Variants in VRK2 observed in about 807,000 individuals in gnomAD.
VRK2 encodes the protein serine/threonine-protein kinase VRK2.
Under a neutral mutation model 57.6 loss-of-function variants are expected in VRK2, and 60 were observed. The observed-to-expected ratio is 1.04, with a 90% CI of 0.85 to 1.29. The LOEUF is 1.29. Ranked by LOEUF, VRK2 falls within the 50% of genes most tolerant of loss-of-function variation. The pLI, the probability that VRK2 is intolerant of heterozygous loss-of-function variation, is 0.00. For missense variants in VRK2, 705 were observed against 588.1 expected, an observed-to-expected ratio of 1.20 and a Z score of -2.06; for synonymous variants, 231 against 199.2, an observed-to-expected ratio of 1.16 and a Z score of -1.35.
chr2:57,947,521 T>C (rs1227009329), intron 1 of VRK2, among the ~76,000 whole-genome samples: 1 of 152,198 alleles, frequency 6.6e-6, no homozygotes, highest in Admixed American at 6.5e-5. Flanking sequence ...CCACTGGCAG[T>C]GGAAAATGCT....
At chr2:58,155,048 C>A (rs1467600178) in intron 12 of VRK2, among the ~76,000 whole-genome samples, 1 of 151,984 alleles carries the variant, frequency 6.6e-6, no homozygotes, top group Non-Finnish European at 1.5e-5. Flanking sequence ...TAGGATATGA[C>A]GGTCTGCCTG....
intron 1 of VRK2, among the ~76,000 whole-genome samples, chr2:57,999,620 C>T (rs2103620591): frequency 6.6e-6 from 1 of 152,110 alleles, no homozygotes; most frequent in Admixed American, 6.5e-5. Context: ...GTTACTGAAG[C>T]CTGTATGTTA....
intron 1 of VRK2, among the ~76,000 whole-genome samples, chr2:58,011,435 T>C (rs543876055): frequency 1.3e-5 from 2 of 152,344 alleles, no homozygotes; most frequent in East Asian, 1.9e-4. Flanking sequence ...AAAGCTTCTA[T>C]CCAAGGCTGT....
At chr2:57,949,622 A>G (rs1671365042) in intron 1 of VRK2, among the ~76,000 whole-genome samples, 1 of 152,174 alleles carries the variant, frequency 6.6e-6, no homozygotes, top group South Asian at 2.1e-4. Flanking sequence ...CTTGAGACAC[A>G]ATAATATTGA....
At chr2:58,083,920 G>A (rs192345672) in intron 2 of VRK2, among the ~76,000 whole-genome samples, 169 bp from the exon 3 acceptor site, 23 of 151,928 alleles carry the variant, frequency 1.5e-4, no homozygotes, top group African/African-American at 5.3e-4. Context: ...AACTTCAGTA[G>A]CATCTTGTAT....
chr2:57,930,541 T>C (rs957286638), intron 1 of VRK2, among the ~76,000 whole-genome samples: 7 of 152,228 alleles, frequency 4.6e-5, no homozygotes, highest in African/African-American at 1.4e-4. Context: ...GATTGCTTGC[T>C]TGGTTTTTAG....
intron 1 of VRK2, among the ~76,000 whole-genome samples, chr2:57,977,649 G>T (rs1672292830): frequency 6.6e-6 from 1 of 151,194 alleles, no homozygotes; most frequent in Non-Finnish European, 1.5e-5. Context: ...CATATAGACT[G>T]ATATCATCTG....
At chr2:57,976,936 A>G (rs1008672167) in intron 1 of VRK2, among the ~76,000 whole-genome samples, 9 of 152,128 alleles carry the variant, frequency 5.9e-5, no homozygotes, top group Non-Finnish European at 7.4e-5. Flanking sequence ...TCTTCTGTAC[A>G]TGGCTAGCCA....
intron 1 of VRK2, among the ~76,000 whole-genome samples, chr2:57,984,775 T>C (rs1046745741): frequency 6.6e-6 from 1 of 152,068 alleles, no homozygotes; most frequent in Non-Finnish European, 1.5e-5. Context: ...ATAAATTATA[T>C]ATTTTTGGTT....
intron 11 of VRK2, among the ~76,000 whole-genome samples, chr2:58,143,157 A>G (rs1042900282): frequency 6.6e-6 from 1 of 151,974 alleles, no homozygotes; most frequent in East Asian, 1.9e-4. Flanking sequence ...TATTTTCTGT[A>G]TATGAGGATA....
At chr2:58,095,596 A>T in intron 7 of VRK2, among the ~76,000 whole-genome samples, 1 of 152,068 alleles carries the variant, frequency 6.6e-6, no homozygotes, top group Middle Eastern at 3.4e-3. Flanking sequence ...AAGAATTTTT[A>T]TTTCCATGCA....
At chr2:57,992,586 G>A (rs1216698724) in intron 1 of VRK2, among the ~76,000 whole-genome samples, 1 of 152,144 alleles carries the variant, frequency 6.6e-6, no homozygotes, top group African/African-American at 2.4e-5. Context: ...CCGGACTGCG[G>A]ACTGCAGTGG....
At chr2:57,999,628 T>C (rs1673029162) in intron 1 of VRK2, among the ~76,000 whole-genome samples, 1 of 152,168 alleles carries the variant, frequency 6.6e-6, no homozygotes, top group Admixed American at 6.5e-5. Context: ...AGCCTGTATG[T>C]TATTTTAAAT....
At chr2:58,156,155 T>A (rs947867596) in intron 12 of VRK2, among the ~76,000 whole-genome samples, 11 of 152,310 alleles carry the variant, frequency 7.2e-5, no homozygotes, top group African/African-American at 2.6e-4. Context: ...TCACTTTGAT[T>A]TTGAAAGCTT....
intron 1 of VRK2, among the ~76,000 whole-genome samples, chr2:57,951,927 T>C (rs1671439689): frequency 6.8e-6 from 1 of 147,390 alleles, no homozygotes; most frequent in Non-Finnish European, 1.5e-5. Flanking sequence ...TTCCTTCCTT[T>C]TTTTTTTTTT....
intron 1 of VRK2, among the ~76,000 whole-genome samples, chr2:58,014,108 C>A (rs1263802390): frequency 6.6e-6 from 1 of 152,060 alleles, no homozygotes; most frequent in Non-Finnish European, 1.5e-5. Flanking sequence ...AGAGACAATT[C>A]TTTGCTAATT....
chr2:58,015,861 A>T (rs1211131900), intron 1 of VRK2, among the ~76,000 whole-genome samples: 13 of 152,176 alleles, frequency 8.5e-5, no homozygotes, highest in African/African-American at 3.1e-4. Context: ...TTACATATGA[A>T]GTTCTTGATC....
chr2:57,931,827 TTTG>T lies in VRK2; in HGVS notation c.-439+23989_-439+23991del, dbSNP rs1315444800. Among the ~76,000 whole-genome samples the T allele has an allele frequency of 3.1e-4, 47 of 151,960 alleles. No homozygotes were observed. The East Asian group carries it at 8.9e-3, about 29-fold the overall frequency. On this transcript the variant is annotated intron_variant, in intron 1 of 15. Transcript: ENST00000417641. The stretch of plus-strand genomic sequence containing the variant: ...GGGATCAACTTTCTTTTTTTTTTTT[TTTG>T]GTATATGTATATTCAGTTTCCTCAA...
chr2:58,076,995 C>T lies in VRK2; in HGVS notation c.137-7094C>T, dbSNP rs529331613. 3.4e-4 allele frequency among the ~76,000 whole-genome samples: 51 copies of T among 152,008 alleles called. 1 individual carries two copies. In the South Asian group the frequency reaches 9.1e-3, roughly 27 times the overall value. ...CAACACCAGAAAATTAGCATTGATA[C>T]AATACTATTAACCTATTTATATACT... On this transcript the variant is annotated intron_variant, in intron 2 of 12. Coordinates refer to ENST00000340157, the MANE Select transcript of VRK2 (RefSeq NM_006296.7).
Sources: allele counts gnomAD v4.1 joint callset (sites outside exome capture counted in the v4.1 genomes callset), GRCh38; gene constraint gnomAD v4.1.1; transcripts MANE v1.5; gene names NCBI Gene and HGNC (gene_info 2026-07-23, HGNC 2026-07-21).